Variants in TNNI3K observed in about 807,000 individuals in gnomAD.
TNNI3K encodes serine/threonine-protein kinase TNNI3K.
In TNNI3K, 140 loss-of-function variants were observed where a neutral mutation model predicts 114.5. That is an observed-to-expected ratio of 1.22 (90% CI 1.07 to 1.41). TNNI3K has a LOEUF of 1.41. Ranked by LOEUF, TNNI3K falls within the 40% of genes most tolerant of loss-of-function variation. The probability of loss-of-function intolerance (pLI) is 0.00; values close to 1 mark genes in which losing one functional copy is unlikely to be tolerated. For synonymous variants in TNNI3K, 347 were observed against 347.5 expected, an observed-to-expected ratio of 1.00 and a Z score of 0.02; for missense variants, 1,125 against 1,007.6, an observed-to-expected ratio of 1.12 and a Z score of -1.58.
At chr1:74,460,155 A>G (rs1667393604) in intron 20 of TNNI3K, among the ~76,000 whole-genome samples, 1 of 151,606 alleles carries the variant, frequency 6.6e-6, no homozygotes, top group South Asian at 2.1e-4. Flanking sequence ...GACTCACTGC[A>G]ACCTCTGCCT....
intron 23 of TNNI3K, among the ~76,000 whole-genome samples, chr1:74,519,942 T>C (rs1442125151): frequency 1.3e-5 from 2 of 152,198 alleles, no homozygotes; most frequent in African/African-American, 4.8e-5. Context: ...TTCTTACAGC[T>C]ATTTCTCCTT....
intron 17 of TNNI3K, among the ~76,000 whole-genome samples, chr1:74,382,666 G>C (rs1488697248): frequency 2.0e-5 from 3 of 152,260 alleles, no homozygotes; most frequent in East Asian, 3.9e-4. Context: ...CTGGATGGAT[G>C]GTCTTTGTAT....
intron 9 of TNNI3K, 44 bp from the exon 10 acceptor site, chr1:74,353,222 A>G (rs1324300907): frequency 2.5e-6 from 4 of 1,597,972 alleles, no homozygotes; most frequent in Non-Finnish European, 3.4e-6. Flanking sequence ...TTAGTTCATA[A>G]CAAGGACCTT....
chr1:74,412,488 C>A (rs377692529), intron 17 of TNNI3K, among the ~76,000 whole-genome samples: 1 of 152,112 alleles, frequency 6.6e-6, no homozygotes, highest in Non-Finnish European at 1.5e-5. Flanking sequence ...AGGAGGAGGA[C>A]GTGGCTGCAG....
intron 17 of TNNI3K, among the ~76,000 whole-genome samples, chr1:74,408,138 G>T (rs1664707131): frequency 6.6e-6 from 1 of 152,158 alleles, no homozygotes; most frequent in South Asian, 2.1e-4. Flanking sequence ...ATAGCTAGAT[G>T]TGAGCACCCT....
intron 17 of TNNI3K, among the ~76,000 whole-genome samples, chr1:74,404,953 C>A (rs1392154935): frequency 6.6e-6 from 1 of 152,142 alleles, no homozygotes; most frequent in Admixed American, 6.6e-5. Flanking sequence ...TAGTATGTGG[C>A]AGTCGTTGAC....
intron 2 of TNNI3K, among the ~76,000 whole-genome samples, chr1:74,237,267 C>T (rs558988973): frequency 1.3e-5 from 2 of 151,998 alleles, no homozygotes; most frequent in East Asian, 3.9e-4. Context: ...ACTGATCTGA[C>T]TTTTGCAAGT....
chr1:74,512,898 C>T, intron 23 of TNNI3K, among the ~76,000 whole-genome samples: 1 of 152,204 alleles, frequency 6.6e-6, no homozygotes, highest in Admixed American at 6.5e-5. Flanking sequence ...GATGGGGTCA[C>T]TATGTGATCA....
chr1:74,322,599 T>C (rs765307475), intron 5 of TNNI3K, among the ~76,000 whole-genome samples: 10 of 151,562 alleles, frequency 6.6e-5, no homozygotes, highest in Non-Finnish European at 1.5e-4. Context: ...TATCTGGGAG[T>C]ACAGGTGCAC....
Position 74,393,682 on chromosome 1 carries a change from A to G in TNNI3K, c.1772+23290A>G, listed in dbSNP as rs557739920. On this transcript the variant is annotated intron_variant, in intron 17 of 24. Transcript: ENST00000326637. ...GTACCCAAACTTTTTGGCACCAGGG[A>G]GCAGTTTTGTGGAAGACAATTTTTC... 6.6e-5 allele frequency among the ~76,000 whole-genome samples: 10 copies of G among 152,108 alleles called. No homozygotes were observed. In the South Asian group the frequency reaches 2.1e-3, roughly 32 times the overall value.
At chr1:74,475,116 C>CACACACACACACA (rs1668125578) in intron 21 of TNNI3K, among the ~76,000 whole-genome samples, 1 of 135,912 alleles carries the variant, frequency 7.4e-6, no homozygotes, top group East Asian at 2.3e-4. Context: ...CCACCTCAGC[C>CACACACACACACA]CACACACACA....
At chr1:74,477,373 C>A (rs938365681) in intron 21 of TNNI3K, among the ~76,000 whole-genome samples, 1 of 151,936 alleles carries the variant, frequency 6.6e-6, no homozygotes, top group Non-Finnish European at 1.5e-5. Context: ...TGCTTTGATT[C>A]AGTGAATGTT....
intron 19 of TNNI3K, among the ~76,000 whole-genome samples, chr1:74,438,299 C>T (rs45450501): frequency 0.016 from 2,491 of 151,898 alleles, 79 homozygotes; most frequent in African/African-American, 0.057. Flanking sequence ...GAAGCTCATG[C>T]AGAAGAATTG....
At chr1:74,432,946 C>T (rs1665964434) in intron 17 of TNNI3K, among the ~76,000 whole-genome samples, 1 of 151,954 alleles carries the variant, frequency 6.6e-6, no homozygotes, top group Non-Finnish European at 1.5e-5. Flanking sequence ...CTCAATTATC[C>T]ATCTGTAAAA....
intron 20 of TNNI3K, among the ~76,000 whole-genome samples, chr1:74,442,331 C>G (rs148490850): frequency 6.6e-6 from 1 of 151,864 alleles, no homozygotes; most frequent in African/African-American, 2.4e-5. Flanking sequence ...ATGTGTCTAC[C>G]CTTAAATCAA....
intron 5 of TNNI3K, among the ~76,000 whole-genome samples, chr1:74,297,026 G>A (rs1156886823): frequency 1.3e-5 from 2 of 151,804 alleles, no homozygotes; most frequent in African/African-American, 4.8e-5. Context: ...AATATCTCAG[G>A]CATTATCTCT....
Position 74,335,996 on chromosome 1 carries a change from G to GA in TNNI3K, c.544-13dup. On this transcript the variant is annotated splice_polypyrimidine_tract_variant and intron_variant, in intron 6 of 24. Transcript: ENST00000326637. ...TTGAATTTTTATACTGATTTCAAAT[G>GA]AATAAATCCTTTAGGTAACTCGCCT... 1 of 1,561,138 alleles carries GA rather than the reference G, an allele frequency of 6.4e-7. No homozygotes were observed. Among genetic ancestry groups the GA allele is most frequent in the Non-Finnish European group, 8.6e-7 (1 of 1,162,392 alleles).
chr1:74,388,480 C>G (rs990815992), intron 17 of TNNI3K, among the ~76,000 whole-genome samples: 1 of 151,900 alleles, frequency 6.6e-6, no homozygotes, highest in African/African-American at 2.4e-5. Context: ...AAAAATATAC[C>G]TTTTAACAGT....
At chr1:74,480,979 A>C (rs891152433) in intron 21 of TNNI3K, 1 of 700,576 alleles carries the variant, frequency 1.4e-6, no homozygotes, top group Non-Finnish European at 2.7e-6. Flanking sequence ...CTGTGGGGAA[A>C]AAAGCACAGA....
Sources: gnomAD v4.1 joint callset for allele counts (sites outside exome capture counted in the v4.1 genomes callset) on GRCh38, gnomAD v4.1.1 for gene constraint, MANE v1.5 for transcripts, NCBI Gene and HGNC (gene_info 2026-07-23, HGNC 2026-07-21) for gene names.